Variants in ATP11A observed in about 807,000 individuals in gnomAD.
The protein encoded by ATP11A is ATPase phospholipid transporting 11A, also known as phospholipid-transporting ATPase IH.
A neutral mutation model predicts 154.4 loss-of-function variants in ATP11A; 81 were observed. That is an observed-to-expected ratio of 0.52 (90% CI 0.44 to 0.63). ATP11A has a LOEUF of 0.63. Among genes scored for constraint, ATP11A ranks in the 30% least tolerant of loss-of-function variants. The pLI is 0.00. For missense variants in ATP11A, 1,316 were observed against 1,474.3 expected (o/e 0.89, Z 1.76); for synonymous variants, 623 against 585.9 (o/e 1.06, Z -0.91).
chr13:112,737,063 A>C (rs1292921192), intron 1 of ATP11A, among the ~76,000 whole-genome samples: 1 of 152,248 alleles, frequency 6.6e-6, no homozygotes, highest in Non-Finnish European at 1.5e-5. Context: ...AAAAAACAAA[A>C]ATAAATCGTG....
chr13:112,879,367 GTTAGA>G (rs1464744389), intron 29 of ATP11A, among the ~76,000 whole-genome samples: 3 of 152,298 alleles, frequency 2.0e-5, no homozygotes, highest in South Asian at 4.1e-4. Context: ...ATCAGAATTT[GTTAGA>G]TTAAATTGCA....
At chr13:112,729,917 CAGGGCTT>C (rs1206702923) in intron 1 of ATP11A, among the ~76,000 whole-genome samples, 1 of 152,182 alleles carries the variant, frequency 6.6e-6, no homozygotes, top group Non-Finnish European at 1.5e-5. Flanking sequence ...ATGGTTTGGC[CAGGGCTT>C]AGATGTAACA....
At chr13:112,802,502 A>G (rs932889205) in intron 2 of ATP11A, among the ~76,000 whole-genome samples, 2 of 150,356 alleles carry the variant, frequency 1.3e-5, no homozygotes, top group African/African-American at 5.0e-5. Context: ...CAGGGCAGAC[A>G]GAAAAGCACT....
intron 1 of ATP11A, among the ~76,000 whole-genome samples, chr13:112,770,555 C>CACCCCAG (rs1361984730): frequency 6.6e-6 from 1 of 152,242 alleles, no homozygotes; most frequent in Non-Finnish European, 1.5e-5. Flanking sequence ...CGTGAAGCCT[C>CACCCCAG]ACCCCAGACC....
intron 1 of ATP11A, among the ~76,000 whole-genome samples, chr13:112,741,894 T>C (rs1339481146): frequency 1.3e-5 from 2 of 152,234 alleles, no homozygotes; most frequent in African/African-American, 2.4e-5. Flanking sequence ...CAAAGATTGC[T>C]CCTCTTCCCC....
intron 1 of ATP11A, among the ~76,000 whole-genome samples, chr13:112,760,445 G>T (rs1187545740): frequency 2.0e-5 from 3 of 152,140 alleles, no homozygotes; most frequent in Non-Finnish European, 2.9e-5. Flanking sequence ...CAGTAAAAAA[G>T]ATGTTTTACA....
rs73571017 is a variant in ATP11A at position 112,858,336 on chromosome 13, G to A, written c.2667+46G>A. 7,928 of 1,561,208 alleles carry A rather than the reference G, an allele frequency of 5.1e-3. 341 individuals are homozygous for A. The African/African-American group carries it at 0.093, about 18-fold the overall frequency. On this transcript the variant is annotated intron_variant, in intron 22 of 29. Coordinates refer to ENST00000375645, the MANE Select transcript of ATP11A (RefSeq NM_015205.3). ...CCTCACGGTGTTAGCAACAGGTCAC[G>A]CACAGGGTGGCACGACCCTTGTCTG...
chr13:112,761,590 ACATC>A, intron 1 of ATP11A, among the ~76,000 whole-genome samples: 1 of 148,724 alleles, frequency 6.7e-6, no homozygotes, highest in East Asian at 2.0e-4. Context: ...GATAAAGGGG[ACATC>A]GTGCACATAG....
chr13:112,826,353 C>G (rs1390170118), intron 11 of ATP11A, among the ~76,000 whole-genome samples: 1 of 152,232 alleles, frequency 6.6e-6, no homozygotes, highest in Non-Finnish European at 1.5e-5. Context: ...ATAAGAGACA[C>G]AAAGAGATCC....
chr13:112,819,499 G>A lies in ATP11A; in HGVS notation c.674+92G>A, dbSNP rs1010918815. 1.3e-5 allele frequency: 14 copies of A among 1,065,024 alleles called. No individual in the cohort carries two copies. In the African/African-American group the frequency reaches 1.6e-4, roughly 12 times the overall value. 66.0% of individuals were successfully genotyped at this position (1,065,024 alleles called of 1,614,324 possible). ...ACCCCAAGTAGTCCAGCCATGTGGT[G>A]GTTTGGAAAGAGAATGTAAATCACT... On this transcript the variant is annotated intron_variant, in intron 7 of 29. Transcript: ENST00000375645.
In ATP11A at chr13:112,714,711, G is replaced by T. The variant is rs571863097; in HGVS notation, c.39+24256G>T. On this transcript the variant is annotated intron_variant, in intron 1 of 29. Coordinates refer to ENST00000375645, the MANE Select transcript of ATP11A (RefSeq NM_015205.3). ...GAGCGGGTGGGGTGCTGAGAGCACC[G>T]AGAGCCCCTTGCCACCTCGGCTTCT... is the stretch of plus-strand genomic sequence containing the variant. Among the ~76,000 whole-genome samples, 3 of 152,322 alleles carry T rather than the reference G, an allele frequency of 2.0e-5. No homozygotes were observed. The South Asian group carries it at 6.2e-4, about 32-fold the overall frequency.
rs1231499809 is a variant in ATP11A, at chr13:112,716,934, C to CTGTGCA, written c.39+26479_39+26480insTGTGCA. ...AGGTGGACATCCGGGAGCTGGAGGC[C>CTGTGCA]CGTGCACTTTCCCTGGGACGGGCAG... is the stretch of plus-strand genomic sequence containing the variant. On this transcript the variant is annotated intron_variant, in intron 1 of 29. Coordinates refer to ENST00000375645, the MANE Select transcript of ATP11A (RefSeq NM_015205.3). Among the ~76,000 whole-genome samples, 5 of 1,746 alleles carry CTGTGCA rather than the reference C, an allele frequency of 2.9e-3. No individual in the cohort carries two copies. The East Asian group carries it at 0.08, about 28-fold the overall frequency. The allele number at this position is 1,746 out of a possible 152,430, so 1.1% of individuals were successfully genotyped here. A position where few individuals can be genotyped will look rare whatever the true frequency, so the allele number is the denominator to read the frequency against.
At chr13:112,726,611 T>G (rs1390561405) in intron 1 of ATP11A, among the ~76,000 whole-genome samples, 1 of 152,080 alleles carries the variant, frequency 6.6e-6, no homozygotes, top group Non-Finnish European at 1.5e-5. Flanking sequence ...TCTCTAATGC[T>G]CCAGCCGGGG....
At chr13:112,853,252 A>G (rs112295490) in intron 18 of ATP11A, among the ~76,000 whole-genome samples, 2,642 of 151,902 alleles carry the variant, frequency 0.017, 36 homozygotes, top group Middle Eastern at 0.062. Flanking sequence ...CTCTCTATAT[A>G]TATATATATG....
chr13:112,778,627 G>A (rs1199635032), intron 1 of ATP11A, among the ~76,000 whole-genome samples: 3 of 135,732 alleles, frequency 2.2e-5, no homozygotes, highest in Admixed American at 7.7e-5. Context: ...AGCCACTGGA[G>A]TGAGTAGCCG....
intron 1 of ATP11A, among the ~76,000 whole-genome samples, chr13:112,699,191 T>G (rs1594322009): frequency 6.6e-6 from 1 of 152,208 alleles, no homozygotes. Flanking sequence ...GTGCCTTTCC[T>G]TACAGTTTTT....
rs547456406 is a variant in ATP11A at position 112,755,564 on chromosome 13, G to A, written c.40-29571G>A. Among the ~76,000 whole-genome samples, 67 of 152,338 alleles carry A rather than the reference G, an allele frequency of 4.4e-4. No individual in the cohort carries two copies. The South Asian group carries it at 0.014, about 32-fold the overall frequency. ...CCAAGGTTAGCCAGAACCATTTCCA[G>A]TCACGGAACCGTCACTCAGAGCAGC... On this transcript the variant is annotated intron_variant, in intron 1 of 29. Transcript: ENST00000375645.
chr13:112,868,504 G>A (rs553163543), intron 25 of ATP11A, among the ~76,000 whole-genome samples: 30 of 152,308 alleles, frequency 2.0e-4, no homozygotes, highest in African/African-American at 4.8e-5. Flanking sequence ...TGAGGCTTTC[G>A]CACTGGTCAG....
intron 25 of ATP11A, among the ~76,000 whole-genome samples, chr13:112,867,555 G>A (rs766536284): frequency 2.6e-5 from 4 of 152,190 alleles, no homozygotes; most frequent in African/African-American, 4.8e-5. Context: ...CAGCGTCTCC[G>A]CCTTCTCGGA....
Sources: allele counts gnomAD v4.1 joint callset (sites outside exome capture counted in the v4.1 genomes callset), GRCh38; gene constraint gnomAD v4.1.1; transcripts MANE v1.5; gene names NCBI Gene and HGNC (gene_info 2026-07-23, HGNC 2026-07-21).